Variants in RBPJ observed in about 807,000 individuals in gnomAD.
The protein encoded by RBPJ is recombining binding protein suppressor of hairless.
RBPJ carries 9 observed loss-of-function variants against 67.8 expected under a neutral mutation model. The ratio of observed to expected loss-of-function variants is 0.13; its 90% CI spans 0.08 to 0.23. The LOEUF is 0.23. Ranked by LOEUF, RBPJ falls within the 10% of genes least tolerant of loss-of-function variation. The pLI is 1.00. For synonymous variants in RBPJ, 198 were observed against 203.3 expected, an observed-to-expected ratio of 0.97 and a Z score of 0.22; for missense variants, 305 against 595.6, an observed-to-expected ratio of 0.51 and a Z score of 5.08.
rs1407061537 is a variant in RBPJ at position 26,420,709 on chromosome 4, A to G, written c.480A>G (p.Ser160=). The change falls in exon 5 of 11, where the codon TCA becomes TCG. Residue 160 remains serine (S), a synonymous_variant. Transcript: ENST00000355476. The part of the protein sequence containing the change: ...VISKPSKKKQ[S]LKNADLCIAS... ...CCAAACCTTCCAAAAAGAAGCAGTCATTGAAAAATGCTGACTGTATGTATG... is the reference window on the plus strand; with the variant it reads ...CCAAACCTTCCAAAAAGAAGCAGTCGTTGAAAAATGCTGACTGTATGTATG... 1.2e-6 allele frequency: 2 copies of G among 1,612,354 alleles called. No individual in the cohort carries two copies. The highest frequency in any genetic ancestry group is 1.7e-6 in the Non-Finnish European group (2 of 1,179,446).
At chr4:26,147,375 C>T in the RBPJ span, among the ~76,000 whole-genome samples, 3 of 152,192 alleles carry the variant, frequency 2.0e-5, no homozygotes, top group Non-Finnish European at 2.9e-5. Context: ...AACTCTACTT[C>T]GGTCACTTTC....
chr4:26,276,481 A>G (rs185846286), intron 1 of RBPJ, among the ~76,000 whole-genome samples: 148 of 152,286 alleles, frequency 9.7e-4, no homozygotes, highest in Non-Finnish European at 1.8e-3. Context: ...ACATGTCCCA[A>G]TGAAATCGCC....
chr4:26,130,636 G>A, the RBPJ span, among the ~76,000 whole-genome samples: 9 of 151,694 alleles, frequency 5.9e-5, no homozygotes, highest in African/African-American at 2.2e-4. Flanking sequence ...TACTCTCCCC[G>A]TAACACCACA....
chr4:26,204,067 C>T (rs1718081112), intron 1 of RBPJ, among the ~76,000 whole-genome samples: 1 of 152,168 alleles, frequency 6.6e-6, no homozygotes, highest in Admixed American at 6.5e-5. Flanking sequence ...GCCTCAGCCT[C>T]CCGAGTAGCT....
At chr4:26,246,366 T>C (rs186162007) in intron 1 of RBPJ, among the ~76,000 whole-genome samples, 32 of 152,328 alleles carry the variant, frequency 2.1e-4, no homozygotes, top group South Asian at 1.0e-3. Flanking sequence ...TTTCAGATTT[T>C]TCATCACTAG....
chr4:26,280,163 G>A (rs1321749902), intron 1 of RBPJ, among the ~76,000 whole-genome samples: 1 of 151,530 alleles, frequency 6.6e-6, no homozygotes, highest in African/African-American at 2.4e-5. Flanking sequence ...GGGAGGCCGA[G>A]GTGGATGGAT....
At chr4:26,281,402 C>T (rs1358119561) in intron 1 of RBPJ, among the ~76,000 whole-genome samples, 2 of 152,102 alleles carry the variant, frequency 1.3e-5, no homozygotes, top group Middle Eastern at 3.2e-3. Context: ...CCTCAGCCTC[C>T]CTAGTAGCTG....
intron 1 of RBPJ, among the ~76,000 whole-genome samples, chr4:26,281,822 AT>A (rs1721282699): frequency 6.6e-6 from 1 of 152,224 alleles, no homozygotes; most frequent in South Asian, 2.1e-4. Flanking sequence ...TGGAGTTCTA[AT>A]TCCTTGAAGA....
At chr4:26,218,606 C>T (rs909252178) in intron 1 of RBPJ, among the ~76,000 whole-genome samples, 1 of 152,214 alleles carries the variant, frequency 6.6e-6, no homozygotes, top group Non-Finnish European at 1.5e-5. Context: ...GTGGCTGTCG[C>T]TGTTGCTGTC....
intron 4 of RBPJ, among the ~76,000 whole-genome samples, chr4:26,416,614 G>T (rs553906366): frequency 1.3e-5 from 2 of 152,112 alleles, no homozygotes; most frequent in Admixed American, 1.3e-4. Flanking sequence ...ACTGTACTTT[G>T]GAAAATGGTT....
upstream of RBPJ, chr4:26,320,643 C>T: frequency 3.8e-6 from 5 of 1,310,646 alleles, no homozygotes; most frequent in Non-Finnish European, 5.1e-6. Context: ...TCCTCGGCCC[C>T]GCCTCCTGAC....
At chr4:26,413,181 C>T (rs1734212746) in intron 3 of RBPJ, among the ~76,000 whole-genome samples, 1 of 152,164 alleles carries the variant, frequency 6.6e-6, no homozygotes, top group Non-Finnish European at 1.5e-5. Flanking sequence ...TGGTTGTTTC[C>T]CCACTGTTGG....
chr4:26,349,174 C>T (rs1488554566), intron 1 of RBPJ, among the ~76,000 whole-genome samples: 1 of 152,002 alleles, frequency 6.6e-6, no homozygotes, highest in African/African-American at 2.4e-5. Context: ...CTCAAGCCAT[C>T]CTCCCACCTC....
chr4:26,182,456 C>T (rs369380023), intron 1 of RBPJ, among the ~76,000 whole-genome samples: 1 of 151,812 alleles, frequency 6.6e-6, no homozygotes, highest in South Asian at 2.1e-4. Context: ...ATTCTAAAAG[C>T]TTTTTAAAAC....
Position 26,346,739 on chromosome 4 carries a change from C to T in RBPJ, c.20+25691C>T, listed in dbSNP as rs559405792. ...CGCTGCGGCTCAGGACTCCTGTAATCCCAGCACTTTGGAAGGCCGAGGCGG... is the reference window on the plus strand; with the variant it reads ...CGCTGCGGCTCAGGACTCCTGTAATTCCAGCACTTTGGAAGGCCGAGGCGG... On this transcript the variant is annotated intron_variant, in intron 1 of 10. Coordinates refer to ENST00000355476, the MANE Select transcript of RBPJ (RefSeq NM_015874.6). 3.9e-5 allele frequency among the ~76,000 whole-genome samples: 6 copies of T among 152,294 alleles called. No homozygotes were observed. In the South Asian group the frequency reaches 6.2e-4, roughly 16 times the overall value.
chr4:26,145,594 A>G, the RBPJ span, among the ~76,000 whole-genome samples: 1 of 152,226 alleles, frequency 6.6e-6, no homozygotes. Context: ...CATTTGGTTA[A>G]ACAACACAGG....
At chr4:26,159,541 G>C (rs1716039486), upstream of RBPJ, among the ~76,000 whole-genome samples, 1 of 152,298 alleles carries the variant, frequency 6.6e-6, no homozygotes, top group Non-Finnish European at 1.5e-5. Context: ...TTCCCAAAGT[G>C]TGTATATCAA....
intron 1 of RBPJ, among the ~76,000 whole-genome samples, chr4:26,336,492 A>G (rs1426050647): frequency 6.6e-6 from 1 of 151,908 alleles, no homozygotes; most frequent in Non-Finnish European, 1.5e-5. Context: ...CTTAAAACAA[A>G]ACAAAACAAA....
intron 1 of RBPJ, among the ~76,000 whole-genome samples, chr4:26,202,969 A>AGAAG (rs1560208702): frequency 4.8e-5 from 2 of 41,324 alleles, no homozygotes; most frequent in Non-Finnish European, 4.8e-5. Flanking sequence ...AAGGAAGGAA[A>AGAAG]TAAGGAAGGA....
Sources: allele counts gnomAD v4.1 joint callset (sites outside exome capture counted in the v4.1 genomes callset), GRCh38; gene constraint gnomAD v4.1.1; transcripts MANE v1.5; gene names NCBI Gene and HGNC (gene_info 2026-07-23, HGNC 2026-07-21).